The following TMEM109 variants were observed in gnomAD, a reference collection of about 807,000 sequenced individuals.
The protein encoded by TMEM109 is transmembrane protein 109.
TMEM109 carries 19 observed loss-of-function variants against 26.4 expected under a neutral mutation model. The observed-to-expected ratio is 0.72, with a 90% CI of 0.50 to 1.06. The LOEUF (loss-of-function observed/expected upper bound fraction) is 1.06, where lower values mean the gene tolerates loss of function less well. Among genes scored for constraint, TMEM109 ranks in the 50% least tolerant of loss-of-function variants. TMEM109 has a pLI of 0.00. For missense variants in TMEM109, 262 were observed against 303.4 expected (o/e 0.86, Z 1.01); for synonymous variants, 129 against 142.0 (o/e 0.91, Z 0.65).
At chr11:60,919,638 G>T (rs1856210415) in intron 1 of TMEM109, 48 bp from the exon 2 acceptor site, 2 of 1,439,222 alleles carry the variant, frequency 1.4e-6, no homozygotes, top group Non-Finnish European at 2.0e-6. Flanking sequence ...CTGAGAGGGT[G>T]AGTGTGTCTA....
chr11:60,921,767 C>T lies in TMEM109; in HGVS notation c.341-7C>T, dbSNP rs1430450095. The T allele has an allele frequency of 1.2e-6, 2 of 1,604,154 alleles. No homozygotes were observed. Among genetic ancestry groups the T allele is most frequent in the Non-Finnish European group, 1.7e-6 (2 of 1,176,828 alleles). ...TTGGCTGACTCTGTGACTCTCTTGG[C>T]TTCCAGGTGATTACCTCGCCCAGGG... On this transcript the variant is annotated splice_region_variant and splice_polypyrimidine_tract_variant and intron_variant, in intron 3 of 3. Coordinates refer to ENST00000227525, the MANE Select transcript of TMEM109 (RefSeq NM_024092.3).
At chr11:60,917,868 G>A (rs4938991) in intron 1 of TMEM109, among the ~76,000 whole-genome samples, 48,932 of 151,776 alleles carry the variant, frequency 0.32, 8,954 homozygotes, top group Middle Eastern at 0.4. Context: ...CTCCTATGTT[G>A]CCCAGGCTGC....
rs368958227 is a variant in TMEM109, at chr11:60,922,559, C to G, written c.*394C>G. On this transcript the variant is annotated 3_prime_UTR_variant, in exon 4 of 4. Transcript: ENST00000227525. ...CTCCTAATGCTCGTGCTCTCCTGTC[C>G]TTCTGAAGTTGCTCCTTGGCCAAAT... 35 of 405,488 alleles carry G rather than the reference C, an allele frequency of 8.6e-5. No individual in the cohort carries two copies. Among genetic ancestry groups the G allele is most frequent in the African/African-American group, 5.2e-4 (25 of 48,286 alleles). The allele number at this position is 405,488 out of a possible 1,614,324, so 25.1% of individuals were successfully genotyped here.
chr11:60,920,251 G>A (rs377090887), intron 2 of TMEM109, among the ~76,000 whole-genome samples: 19 of 152,268 alleles, frequency 1.2e-4, no homozygotes, highest in East Asian at 9.6e-4. Context: ...CTAGAATCTC[G>A]AAATGGCAAA....
chr11:60,921,134 C>T (rs1856232496), intron 3 of TMEM109, 146 bp downstream of exon 3: 1 of 691,610 alleles, frequency 1.4e-6, no homozygotes. Context: ...AAGAGCAAGC[C>T]AAGAACTACC....
intron 1 of TMEM109, among the ~76,000 whole-genome samples, chr11:60,914,856 A>G (rs936756657): frequency 7.6e-4 from 115 of 152,190 alleles, no homozygotes; most frequent in Non-Finnish European, 3.7e-4. Context: ...AGCTGCCCCC[A>G]ACCTGCCAGG....
In TMEM109 at chr11:60,919,831, G is replaced by A; in HGVS notation, c.138G>A (p.Lys46=). Residue 46 remains lysine, a synonymous_variant, in exon 2 of 4, where the codon AAG becomes AAA. Transcript: ENST00000227525. ...ACTTTGCACCACCAGGCCAACAGAA[G>A]AGAGAAGCCCCAGTTGATGTCTTGA... ...RRDFAPPGQQ[K]REAPVDVLTQ... 6.2e-7 allele frequency: 1 copy of A among 1,614,214 alleles called. No homozygotes were observed. The highest frequency in any genetic ancestry group is 8.5e-7 in the Non-Finnish European group (1 of 1,180,040).
rs1212433466 is a variant in TMEM109 at position 60,922,416 on chromosome 11, G to A, written c.*251G>A. Reference sequence around the variant, plus strand: ...TTAACCCTTTCTCTGCTCCCAGCCTGCCTCACCAGGGAAGGTTGGAGGGGC... The same window carrying A: ...TTAACCCTTTCTCTGCTCCCAGCCTACCTCACCAGGGAAGGTTGGAGGGGC... On this transcript the variant is annotated 3_prime_UTR_variant, in exon 4 of 4. Coordinates refer to ENST00000227525, the MANE Select transcript of TMEM109 (RefSeq NM_024092.3). 1 of 1,496,332 alleles carries A rather than the reference G, an allele frequency of 6.7e-7. No individual in the cohort carries two copies. Among genetic ancestry groups the A allele is most frequent in the African/African-American group, 1.4e-5 (1 of 72,366 alleles). 92.7% of individuals were successfully genotyped at this position (1,496,332 alleles called of 1,614,324 possible).
At position 60,921,952 on chromosome 11, in the gene TMEM109, GGCC is replaced by G. The variant is rs766481916; in HGVS notation, c.520_522del (p.Ala174del). On this transcript the variant is annotated inframe_deletion, in exon 4 of 4. Transcript: ENST00000227525. ...TTGTCATCTTCCTGGCCGGCTTCGT[GGCC>G]CTGATGAGGTCGGTGCCTGACCCTT... 6.2e-7 allele frequency: 1 copy of G among 1,613,904 alleles called. No homozygotes were observed. The highest frequency in any genetic ancestry group is 1.3e-5 in the African/African-American group (1 of 74,952).
rs1259901796 is a variant in TMEM109, at chr11:60,922,075, C to A, written c.642C>A (p.Ala214=). 6.2e-7 allele frequency: 1 copy of A among 1,613,338 alleles called. No homozygotes were observed. The highest frequency in any genetic ancestry group is 2.2e-5 in the East Asian group (1 of 44,892). Residue 214 remains alanine (A), a synonymous_variant, in exon 4 of 4, where the codon GCC becomes GCA. Coordinates refer to ENST00000227525, the MANE Select transcript of TMEM109 (RefSeq NM_024092.3). ...GAGCCTCTGGGGCCCAACTCGAGGCCAAGGTGCGAGGGCTGGAACGCCAGG... is the reference window on the plus strand; with the variant it reads ...GAGCCTCTGGGGCCCAACTCGAGGCAAAGGTGCGAGGGCTGGAACGCCAGG... ...GSRASGAQLE[A]KVRGLERQVE...
chr11:60,920,413 T>C (rs1011125685), intron 2 of TMEM109, among the ~76,000 whole-genome samples: 1 of 152,240 alleles, frequency 6.6e-6, no homozygotes, highest in African/African-American at 2.4e-5. Flanking sequence ...GACAATCATT[T>C]ATTAAATCCA....
rs888194367 is a variant in TMEM109 at position 60,922,495 on chromosome 11, A to G, written c.*330A>G. ...CAAACATCACTGCCGTTGGTCTCTCATGACTTAACTGGCTTCCCTCTGCTG... is the reference window on the plus strand; with the variant it reads ...CAAACATCACTGCCGTTGGTCTCTCGTGACTTAACTGGCTTCCCTCTGCTG... On this transcript the variant is annotated 3_prime_UTR_variant, in exon 4 of 4. Transcript: ENST00000227525. The G allele has an allele frequency of 8.9e-6, 7 of 784,016 alleles. No homozygotes were observed. The highest frequency in any genetic ancestry group is 1.9e-6 in the Non-Finnish European group (1 of 524,210). 48.6% of individuals were successfully genotyped at this position (784,016 alleles called of 1,614,324 possible). A position where few individuals can be genotyped will look rare whatever the true frequency, so the allele number is the denominator to read the frequency against.
chr11:60,920,754 A>C lies in TMEM109; in HGVS notation c.238-132A>C, dbSNP rs1050642065. 15 of 820,914 alleles carry C rather than the reference A, an allele frequency of 1.8e-5. No homozygotes were observed. The African/African-American group carries it at 2.4e-4, about 13-fold the overall frequency. The allele number at this position is 820,914 out of a possible 1,614,324, so 50.9% of individuals were successfully genotyped here. On this transcript the variant is annotated intron_variant, in intron 2 of 3. Coordinates refer to ENST00000227525, the MANE Select transcript of TMEM109 (RefSeq NM_024092.3). ...GCCCAAGGCCCCTACCCTCTGACCC[A>C]GGCCTGTCACCACTGGGTGAGAAAC...
At chr11:60,919,980 G>A in intron 2 of TMEM109, 50 bp downstream of exon 2, 1 of 1,535,698 alleles carries the variant, frequency 6.5e-7, no homozygotes. Context: ...AAAAATAAAA[G>A]AAGAAAGGTT....
chr11:60,917,258 G>A (rs1229793806), intron 1 of TMEM109, among the ~76,000 whole-genome samples: 1 of 152,156 alleles, frequency 6.6e-6, no homozygotes, highest in Non-Finnish European at 1.5e-5. Flanking sequence ...TCATGGCTCT[G>A]GATTTATTGT....
chr11:60,920,764 C>G, intron 2 of TMEM109, 122 bp from the exon 3 acceptor site: 1 of 906,652 alleles, frequency 1.1e-6, no homozygotes, highest in South Asian at 1.5e-5. Context: ...AGGCCTGTCA[C>G]CACTGGGTGA....
intron 1 of TMEM109, 149 bp from the exon 2 acceptor site, chr11:60,919,537 C>T: frequency 3.1e-6 from 2 of 655,260 alleles, no homozygotes; most frequent in Non-Finnish European, 5.4e-6. Context: ...AGTCCCAGTC[C>T]TTCCTCTCCC....
rs1401507587 is a variant in TMEM109, at chr11:60,921,004, C to T, written c.340+16C>T. The T allele has an allele frequency of 6.2e-7, 1 of 1,607,696 alleles. No individual in the cohort carries two copies. The highest frequency in any genetic ancestry group is 1.1e-5 in the South Asian group (1 of 90,974). ...GGACTAGCTGGTGAGTGTTCGAGTG[C>T]TGGGTAGTCAGCCAGAGCTTTGCCT... is the stretch of plus-strand genomic sequence containing the variant. On this transcript the variant is annotated intron_variant, in intron 3 of 3. Coordinates refer to ENST00000227525, the MANE Select transcript of TMEM109 (RefSeq NM_024092.3).
chr11:60,923,145 T>A lies in TMEM109; in HGVS notation c.*980T>A, dbSNP rs1856270884. 6.6e-6 allele frequency: 1 copy of A among 152,522 alleles called. No individual in the cohort carries two copies. Among genetic ancestry groups the A allele is most frequent in the Admixed American group, 6.5e-5 (1 of 15,276 alleles). 9.4% of individuals were successfully genotyped at this position (152,522 alleles called of 1,614,324 possible). A position where few individuals can be genotyped will look rare whatever the true frequency, so the allele number is the denominator to read the frequency against. On this transcript the variant is annotated 3_prime_UTR_variant, in exon 4 of 4. Coordinates refer to ENST00000227525, the MANE Select transcript of TMEM109 (RefSeq NM_024092.3). ...GCAGCCCGGGAGGAACACAGGCAGC[T>A]CCTTTCCCTTCACGTGGTCTGCAGA...
Sources: allele counts gnomAD v4.1 joint callset (sites outside exome capture counted in the v4.1 genomes callset), GRCh38; gene constraint gnomAD v4.1.1; transcripts MANE v1.5; gene names NCBI Gene and HGNC (gene_info 2026-07-23, HGNC 2026-07-21).